The following TYW1B variants were observed in gnomAD, a reference collection of about 807,000 sequenced individuals.
TYW1B encodes S-adenosyl-L-methionine-dependent tRNA 4-demethylwyosine synthase TYW1B.
A neutral mutation model predicts 86.9 loss-of-function variants in TYW1B; 73 were observed. The ratio of observed to expected loss-of-function variants is 0.84; its 90% confidence interval spans 0.70 to 1.02. The LOEUF (loss-of-function observed/expected upper bound fraction) is 1.02, where lower values mean the gene tolerates loss of function less well. TYW1B is among the 50% of genes least tolerant of loss of function. The pLI, the probability that TYW1B is intolerant of heterozygous loss-of-function variation, is 0.00. For synonymous variants in TYW1B, 248 were observed against 292.8 expected, an observed-to-expected ratio of 0.85 and a Z score of 1.56; for missense variants, 637 against 827.4, an observed-to-expected ratio of 0.77 and a Z score of 2.82.
chr7:72,724,744 A>G (rs1297704448), intron 9 of TYW1B, among the ~76,000 whole-genome samples: 13 of 152,182 alleles, frequency 8.5e-5, no homozygotes, highest in Admixed American at 8.5e-4. Flanking sequence ...CCATTCAGAT[A>G]TGAAAAAAAA....
At chr7:72,714,536 T>C (rs2129570736) in intron 9 of TYW1B, among the ~76,000 whole-genome samples, 1 of 151,844 alleles carries the variant, frequency 6.6e-6, no homozygotes, top group Middle Eastern at 3.4e-3. Flanking sequence ...GGTGGGAAGA[T>C]CACTTGAGTC....
At chr7:72,701,691 T>C (rs145151019) in intron 10 of TYW1B, among the ~76,000 whole-genome samples, 1 of 152,328 alleles carries the variant, frequency 6.6e-6, no homozygotes, top group Non-Finnish European at 1.5e-5. Flanking sequence ...TCTTTTTTGC[T>C]GTTTGTTGTG....
At chr7:72,821,904 G>A (rs1788833402) in intron 2 of TYW1B, among the ~76,000 whole-genome samples, 1 of 152,098 alleles carries the variant, frequency 6.6e-6, no homozygotes, top group South Asian at 2.1e-4. Flanking sequence ...TCTAAGAAAG[G>A]TAACTCGATA....
intron 11 of TYW1B, among the ~76,000 whole-genome samples, chr7:72,684,374 T>C (rs2129570022): frequency 6.6e-6 from 1 of 152,144 alleles, no homozygotes; most frequent in East Asian, 1.9e-4. Context: ...GAAAGAATGA[T>C]TTCAACTTCT....
rs143774128 is a variant in TYW1B, at chr7:72,692,137, T to C, written c.1506+2550A>G. Among the ~76,000 whole-genome samples the C allele has an allele frequency of 7.5e-3, 955 of 126,820 alleles. 12 individuals carry two copies. Among genetic ancestry groups the C allele is most frequent in the African/African-American group, 0.025 (819 of 32,334 alleles). The allele number at this position is 126,820 out of a possible 152,430, so 83.2% of individuals were successfully genotyped here. On this transcript the variant is annotated intron_variant, in intron 11 of 13. Transcript: ENST00000620995. ...ATGAGAATCACTTGAACCCGGGAGG[T>C]AGATGTTGCAGTGAGCCAAGATCAC...
chr7:72,727,644 C>T (rs1787024410), intron 9 of TYW1B, among the ~76,000 whole-genome samples: 1 of 151,790 alleles, frequency 6.6e-6, no homozygotes, highest in Admixed American at 6.6e-5. Context: ...TGGCTAGACC[C>T]CATCTTCACA....
intron 10 of TYW1B, among the ~76,000 whole-genome samples, chr7:72,703,007 TATATATATATATATATA>T (rs1439963879): frequency 7.1e-5 from 2 of 28,114 alleles, no homozygotes; most frequent in African/African-American, 1.1e-4. Context: ...TATATATATA[TATATATATATATATATA>T]TATTTTTTTT....
chr7:72,682,056 G>A (rs1813888427), intron 11 of TYW1B, among the ~76,000 whole-genome samples: 1 of 150,386 alleles, frequency 6.6e-6, no homozygotes, highest in African/African-American at 2.5e-5. Flanking sequence ...TTTTGTATTT[G>A]TAGTAGAGAT....
chr7:72,815,536 C>T, intron 2 of TYW1B, 55 bp from the exon 3 acceptor site: 2 of 1,486,458 alleles, frequency 1.3e-6, no homozygotes, highest in Non-Finnish European at 1.8e-6. Context: ...AAATATAGCC[C>T]TCATTTACCC....
At chr7:72,654,271 G>A (rs1554443294) in intron 11 of TYW1B, among the ~76,000 whole-genome samples, 1 of 152,030 alleles carries the variant, frequency 6.6e-6, no homozygotes, top group Admixed American at 6.6e-5. Context: ...CAAAGAATGA[G>A]CCTTAATATA....
intron 7 of TYW1B, among the ~76,000 whole-genome samples, chr7:72,755,859 C>T (rs11982415): frequency 0.69 from 104,940 of 152,088 alleles, 37,186 homozygotes; most frequent in Non-Finnish European, 0.77. Context: ...TGGCAGAGGC[C>T]AAGAATCGGG....
intron 10 of TYW1B, among the ~76,000 whole-genome samples, chr7:72,711,854 T>TC (rs1786674560): frequency 2.0e-5 from 1 of 50,500 alleles, no homozygotes; most frequent in South Asian, 4.9e-4. Context: ...TTCAAAAAGA[T>TC]CTTTTTTTTT....
At chr7:72,653,047 T>A (rs1317196987) in intron 11 of TYW1B, among the ~76,000 whole-genome samples, 4 of 152,130 alleles carry the variant, frequency 2.6e-5, no homozygotes, top group African/African-American at 9.7e-5. Flanking sequence ...AGACAAAGGA[T>A]CATGATATAT....
At chr7:72,694,189 C>A (rs552515496) in intron 11 of TYW1B, among the ~76,000 whole-genome samples, 1 of 152,150 alleles carries the variant, frequency 6.6e-6, no homozygotes, top group African/African-American at 2.4e-5. Context: ...TCTTGAACTC[C>A]TGACCTCAAG....
chr7:72,759,647 T>G (rs1359155755), intron 7 of TYW1B, among the ~76,000 whole-genome samples: 1 of 152,210 alleles, frequency 6.6e-6, no homozygotes, highest in Non-Finnish European at 1.5e-5. Flanking sequence ...TCTATTTGTT[T>G]TTCTGCCTAT....
At chr7:72,681,787 G>A (rs36121542) in intron 11 of TYW1B, among the ~76,000 whole-genome samples, 6 of 151,244 alleles carry the variant, frequency 4.0e-5, no homozygotes, top group African/African-American at 1.2e-4. Flanking sequence ...GGGTTTCACC[G>A]TGTTAGCCAG....
chr7:72,621,057 G>A (rs1368491125), intron 12 of TYW1B, among the ~76,000 whole-genome samples: 16 of 152,156 alleles, frequency 1.1e-4, no homozygotes, highest in African/African-American at 1.7e-4. Context: ...CTATCTGAGC[G>A]TTCAAACCTC....
intron 11 of TYW1B, among the ~76,000 whole-genome samples, chr7:72,644,262 A>T (rs112961460): frequency 6.6e-6 from 1 of 152,216 alleles, no homozygotes; most frequent in African/African-American, 2.4e-5. Context: ...TAAAAAATCA[A>T]CAGTAGGTAG....
At chr7:72,733,322 A>G (rs1451314313) in intron 8 of TYW1B, among the ~76,000 whole-genome samples, 2 of 152,156 alleles carry the variant, frequency 1.3e-5, no homozygotes, top group African/African-American at 4.8e-5. Context: ...CACAACAAAA[A>G]AGAAAAGGAA....
Sources: allele counts gnomAD v4.1 joint callset (sites outside exome capture counted in the v4.1 genomes callset), GRCh38; gene constraint gnomAD v4.1.1; transcripts MANE v1.5; gene names NCBI Gene and HGNC (gene_info 2026-07-23, HGNC 2026-07-21).